RPA3: variants seen among roughly 807,000 people sequenced by gnomAD.
The protein encoded by RPA3 is replication protein A3.
RPA3 carries 24 observed loss-of-function variants against 13.7 expected under a neutral mutation model. That is an observed-to-expected ratio of 1.75 (90% CI 1.27 to 2.46). RPA3 has a LOEUF of 2.46. RPA3 is among the 30% of genes most tolerant of loss of function. RPA3 has a pLI of 0.00. For synonymous variants in RPA3, 59 were observed against 51.2 expected (o/e 1.15, Z -0.65); for missense variants, 183 against 151.0 (o/e 1.21, Z -1.11).
chr7:7,670,967 C>G lies in RPA3; in HGVS notation c.-758+14863G>C, dbSNP rs554245985. Reference sequence around the variant, plus strand: ...ATTGTCTTCCATGCCATTGGCTTCACCCTGTTGGAATTTTTTCCTTTTCGG... The same window carrying G: ...ATTGTCTTCCATGCCATTGGCTTCAGCCTGTTGGAATTTTTTCCTTTTCGG... On this transcript the variant is annotated intron_variant, in intron 4 of 7. Transcript: ENST00000223129. Among the ~76,000 whole-genome samples, 3 of 152,224 alleles carry G rather than the reference C, an allele frequency of 2.0e-5. No homozygotes were observed. The East Asian group carries it at 5.8e-4, about 29-fold the overall frequency.
At chr7:7,653,038 C>T (rs1299139504) in intron 4 of RPA3, among the ~76,000 whole-genome samples, 2 of 152,190 alleles carry the variant, frequency 1.3e-5, no homozygotes, top group Non-Finnish European at 2.9e-5. Context: ...GACCTCACAT[C>T]CCATGACTTA....
chr7:7,665,944 T>G (rs1262211893), intron 4 of RPA3, among the ~76,000 whole-genome samples: 2 of 152,188 alleles, frequency 1.3e-5, no homozygotes, highest in African/African-American at 4.8e-5. Context: ...TATTGGACAT[T>G]TGGGTTGTTT....
chr7:7,684,435 C>T (rs1779989339), intron 4 of RPA3, among the ~76,000 whole-genome samples: 1 of 151,858 alleles, frequency 6.6e-6, no homozygotes. Flanking sequence ...TCTTGAACTT[C>T]TGGCCTTGAG....
intron 2 of RPA3, among the ~76,000 whole-genome samples, chr7:7,693,856 C>A (rs1251037892): frequency 6.6e-6 from 1 of 151,858 alleles, no homozygotes; most frequent in Non-Finnish European, 1.5e-5. Context: ...ATAATTTTTC[C>A]TCTGTGGTGG....
intron 2 of RPA3, among the ~76,000 whole-genome samples, chr7:7,701,226 T>C (rs1780455435): frequency 6.6e-6 from 1 of 151,056 alleles, no homozygotes; most frequent in African/African-American, 2.4e-5. Flanking sequence ...ACTGTATCAT[T>C]TCCTCTCTAA....
chr7:7,677,047 A>G (rs2115114271), intron 4 of RPA3, among the ~76,000 whole-genome samples: 1 of 152,132 alleles, frequency 6.6e-6, no homozygotes, highest in East Asian at 1.9e-4. Flanking sequence ...AAATGCTTTT[A>G]ATGCTTTTAT....
At chr7:7,702,171 G>T (rs1780478610) in intron 2 of RPA3, among the ~76,000 whole-genome samples, 1 of 152,160 alleles carries the variant, frequency 6.6e-6, no homozygotes, top group African/African-American at 2.4e-5. Flanking sequence ...GATAGTCATA[G>T]CTTGTCTTTA....
chr7:7,699,048 G>T (rs1256541027), intron 2 of RPA3, among the ~76,000 whole-genome samples: 2 of 120,786 alleles, frequency 1.7e-5, no homozygotes, highest in Admixed American at 8.0e-5. Flanking sequence ...GTGTGTGTGT[G>T]TGGGGGGGGG....
intron 4 of RPA3, among the ~76,000 whole-genome samples, chr7:7,670,691 T>A (rs565597130): frequency 6.6e-6 from 1 of 152,322 alleles, no homozygotes; most frequent in Admixed American, 6.5e-5. Context: ...GTACTCTTGG[T>A]CTGGAGACTT....
chr7:7,666,119 C>G (rs149770899), intron 4 of RPA3, among the ~76,000 whole-genome samples: 1 of 152,122 alleles, frequency 6.6e-6, no homozygotes, highest in Admixed American at 6.6e-5. Flanking sequence ...ACCCTTCTAC[C>G]ACAAGTGTAC....
At chr7:7,684,577 A>G (rs1358344617) in intron 4 of RPA3, among the ~76,000 whole-genome samples, 1 of 152,156 alleles carries the variant, frequency 6.6e-6, no homozygotes, top group African/African-American at 2.4e-5. Context: ...TGAGGAACTC[A>G]TGGATACGGA....
intron 2 of RPA3, among the ~76,000 whole-genome samples, chr7:7,711,114 T>C (rs1583762832): frequency 6.6e-6 from 1 of 152,232 alleles, no homozygotes; most frequent in East Asian, 1.9e-4. Context: ...GGAGATGTTC[T>C]GTATCTGGTC....
chr7:7,698,344 A>C (rs973615197), intron 2 of RPA3, among the ~76,000 whole-genome samples: 1 of 152,208 alleles, frequency 6.6e-6, no homozygotes, highest in Non-Finnish European at 1.5e-5. Flanking sequence ...GGTTTATATA[A>C]TGGTGCGTTT....
At chr7:7,641,952 TA>T (rs1245319400) in intron 4 of RPA3, among the ~76,000 whole-genome samples, 1 of 152,228 alleles carries the variant, frequency 6.6e-6, no homozygotes, top group East Asian at 1.9e-4. Flanking sequence ...AACGGTACTT[TA>T]AAGGATTTCA....
rs187988269 is a variant in RPA3 at position 7,701,813 on chromosome 7, C to T, written c.-1028+13362G>A. Among the ~76,000 whole-genome samples the T allele has an allele frequency of 7.9e-5, 12 of 152,264 alleles. No homozygotes were observed. In the East Asian group the frequency reaches 1.7e-3, roughly 22 times the overall value. ...CATGACAAGCCATTTACCCATGTCT[C>T]GGATGACTGTCTGCCCTCTGAGGAT... On this transcript the variant is annotated intron_variant, in intron 2 of 7. Transcript: ENST00000223129.
chr7:7,655,995 C>T (rs1360186458), intron 4 of RPA3, among the ~76,000 whole-genome samples: 1 of 152,106 alleles, frequency 6.6e-6, no homozygotes, highest in African/African-American at 2.4e-5. Context: ...GCCATCATGC[C>T]TGGCTAATTT....
intron 6 of RPA3, chr7:7,638,636 T>C (rs1224899287): frequency 6.5e-6 from 1 of 154,244 alleles, no homozygotes; most frequent in Non-Finnish European, 1.4e-5. Context: ...GAGGCTGACA[T>C]GGGAGCAACT....
At chr7:7,676,249 A>T (rs1320097241) in intron 4 of RPA3, 9 of 398,328 alleles carry the variant, frequency 2.3e-5, no homozygotes, top group Non-Finnish European at 4.0e-5. Context: ...TATCTAGGAA[A>T]TGAGCACGAT....
intron 4 of RPA3, among the ~76,000 whole-genome samples, chr7:7,683,831 C>T (rs28915068): frequency 0.039 from 5,883 of 152,232 alleles, 348 homozygotes; most frequent in African/African-American, 0.13. Context: ...CCATGTTGGC[C>T]AGGCCGGTCT....
Sources: allele counts gnomAD v4.1 joint callset (sites outside exome capture counted in the v4.1 genomes callset), GRCh38; gene constraint gnomAD v4.1.1; transcripts MANE v1.5; gene names NCBI Gene and HGNC (gene_info 2026-07-23, HGNC 2026-07-21).